KBTBD3: variants seen among roughly 807,000 people sequenced by gnomAD.
KBTBD3 encodes the protein kelch repeat and BTB domain containing 3, also known as kelch repeat and BTB domain-containing protein 3.
KBTBD3 carries 38 observed loss-of-function variants against 49.6 expected under a neutral mutation model. The observed-to-expected ratio is 0.77, with a 90% CI of 0.59 to 1.00. The LOEUF is 1.00. KBTBD3 is among the 50% of genes least tolerant of loss of function. KBTBD3 has a pLI of 0.00. For missense variants in KBTBD3, 661 were observed against 712.0 expected (o/e 0.93, Z 0.81); for synonymous variants, 214 against 250.4 (o/e 0.85, Z 1.37).
intron 2 of KBTBD3, among the ~76,000 whole-genome samples, chr11:106,074,549 C>A (rs980321742): frequency 1.3e-5 from 2 of 152,206 alleles, no homozygotes; most frequent in African/African-American, 4.8e-5. Context: ...AGGTTTCCTA[C>A]CTTGCTGGCC....
Position 106,053,062 on chromosome 11 carries a change from T to C in KBTBD3, c.1627A>G (p.Asn543Asp). Residue 543 changes from asparagine to aspartate, a missense_variant, in exon 4 of 4, where the codon AAT (asparagine) becomes GAT (aspartate). Physicochemically the swap from Asn to Asp is conservative, Grantham distance 23. Transcript: ENST00000531837. ...GEGSFECAGF[N>D]AGAIGIEDKI... is the part of the protein sequence containing the mutation. Reference sequence around the variant, plus strand: ...TCTTCAATTCCAATTGCACCTGCATTAAAGCCTGCACACTCAAAAGATCCT... The same window carrying C: ...TCTTCAATTCCAATTGCACCTGCATCAAAGCCTGCACACTCAAAAGATCCT... 1 of 1,613,700 alleles carries C rather than the reference T, an allele frequency of 6.2e-7. No homozygotes were observed. Among genetic ancestry groups the C allele is most frequent in the Non-Finnish European group, 8.5e-7 (1 of 1,179,766 alleles).
chr11:106,055,571 C>T lies in KBTBD3; in HGVS notation c.234-1116G>A, dbSNP rs147732516. Among the ~76,000 whole-genome samples, 3 of 152,202 alleles carry T rather than the reference C, an allele frequency of 2.0e-5. No individual in the cohort carries two copies. In the East Asian group the frequency reaches 5.8e-4, roughly 29 times the overall value. ...ATAATAATTATATGGATTATTAAGACACCTACAGCAGTTTAGGATAATATT... is the reference window on the plus strand; with the variant it reads ...ATAATAATTATATGGATTATTAAGATACCTACAGCAGTTTAGGATAATATT... On this transcript the variant is annotated intron_variant, in intron 3 of 3. Coordinates refer to ENST00000531837, the MANE Select transcript of KBTBD3 (RefSeq NM_198439.3).
chr11:106,066,727 C>A (rs1860815602), intron 2 of KBTBD3, among the ~76,000 whole-genome samples: 2 of 67,034 alleles, frequency 3.0e-5, no homozygotes, highest in Non-Finnish European at 2.7e-5. Flanking sequence ...AAAATATAAT[C>A]CCTATTAAAA....
At chr11:106,059,275 C>T (rs976710801) in intron 2 of KBTBD3, among the ~76,000 whole-genome samples, 166 bp from the exon 3 acceptor site, 1 of 151,920 alleles carries the variant, frequency 6.6e-6, no homozygotes, top group African/African-American at 2.4e-5. Flanking sequence ...ATATTAAATT[C>T]CTTTTGAATT....
At position 106,053,977 on chromosome 11, in the gene KBTBD3, T is replaced by C. The variant is rs749945852; in HGVS notation, c.712A>G (p.Ile238Val). The change falls in exon 4 of 4, where the codon ATT becomes GTT. Residue 238 changes from isoleucine (I) to valine (V), a missense_variant. By Grantham distance (29) the Ile-to-Val change is conservative. Coordinates refer to ENST00000531837, the MANE Select transcript of KBTBD3 (RefSeq NM_198439.3). ...AACTGATGTAATCTCACTTTTTCAA[T>C]CAAATGAGGCAGATACTTTTGCCTT... ...ESRQKYLPHL[I>V]EKVRLHQLSE... is the part of the protein sequence containing the mutation. 3.1e-5 allele frequency: 50 copies of C among 1,613,914 alleles called. No homozygotes were observed. The South Asian group carries it at 5.1e-4, about 16-fold the overall frequency.
At chr11:106,059,895 C>T (rs1481997177) in intron 2 of KBTBD3, among the ~76,000 whole-genome samples, 4 of 152,164 alleles carry the variant, frequency 2.6e-5, no homozygotes, top group African/African-American at 9.6e-5. Context: ...AATAGAAAAC[C>T]TTGATTCGAC....
chr11:106,074,145 T>G (rs867454991), intron 2 of KBTBD3, among the ~76,000 whole-genome samples: 35 of 144,920 alleles, frequency 2.4e-4, no homozygotes, highest in Admixed American at 1.0e-3. Flanking sequence ...TTCCTTCTCA[T>G]ACATTAAGAG....
chr11:106,053,751 CA>C lies in KBTBD3; in HGVS notation c.937del (p.Cys313AlafsTer17), dbSNP rs774731542. ...EENGENQYTF[C>X]YNIKSDSWKI... ...CCATGAATCAGATTTAATGTTATAGCAAAATGTATATTGATTTTCTCCATTT... is the reference window on the plus strand; with the variant it reads ...CCATGAATCAGATTTAATGTTATAGCAAATGTATATTGATTTTCTCCATTT... On this transcript the variant is annotated frameshift_variant, in exon 4 of 4. Transcript: ENST00000531837. LOFTEE classifies it high-confidence loss of function. 1.2e-6 allele frequency: 2 copies of C among 1,613,662 alleles called. No homozygotes were observed. Among genetic ancestry groups the C allele is most frequent in the Non-Finnish European group, 1.7e-6 (2 of 1,179,850 alleles).
At chr11:106,068,084 G>C (rs1394223612) in intron 2 of KBTBD3, among the ~76,000 whole-genome samples, 7 of 147,372 alleles carry the variant, frequency 4.7e-5, no homozygotes, top group Non-Finnish European at 1.0e-4. Context: ...CCAAATGATA[G>C]AGCTGTAAAA....
intron 3 of KBTBD3, chr11:106,057,936 T>A: frequency 2.5e-6 from 1 of 396,970 alleles, no homozygotes; most frequent in Non-Finnish European, 4.4e-6. Flanking sequence ...TCTAAAATAA[T>A]ACAACACAGG....
rs1345504880 is a variant in KBTBD3 at position 106,058,970 on chromosome 11, TGTAGTACACTTAA to T, written c.115_127del (p.Leu39ArgfsTer14). On this transcript the variant is annotated frameshift_variant, in exon 3 of 4. Coordinates refer to ENST00000531837, the MANE Select transcript of KBTBD3 (RefSeq NM_198439.3). LOFTEE classifies it high-confidence loss of function. ...AAAGACATTTTGTTCTCTAAAATTC[TGTAGTACACTTAA>T]GATTTTTTGTCCATGATCTTCTGAT... 3 of 1,558,582 alleles carry T rather than the reference TGTAGTACACTTAA, an allele frequency of 1.9e-6. No individual in the cohort carries two copies. Among genetic ancestry groups the T allele is most frequent in the Admixed American group, 4.5e-5 (2 of 44,254 alleles).
chr11:106,065,371 G>A (rs901032127), intron 2 of KBTBD3, among the ~76,000 whole-genome samples: 9 of 152,174 alleles, frequency 5.9e-5, no homozygotes, highest in East Asian at 1.9e-4. Flanking sequence ...TACATACCCA[G>A]TGCTGGTCTA....
At chr11:106,071,611 C>T (rs1860919664) in intron 2 of KBTBD3, among the ~76,000 whole-genome samples, 1 of 152,106 alleles carries the variant, frequency 6.6e-6, no homozygotes, top group Admixed American at 6.5e-5. Flanking sequence ...ATATTCTATA[C>T]AGAATGACAA....
rs1360890703 is a variant in KBTBD3 at position 106,053,791 on chromosome 11, GA to G, written c.897del (p.His300ThrfsTer30). 1 of 1,613,864 alleles carries G rather than the reference GA, an allele frequency of 6.2e-7. No homozygotes were observed. The highest frequency in any genetic ancestry group is 1.7e-5 in the Admixed American group (1 of 59,984). On this transcript the variant is annotated frameshift_variant, in exon 4 of 4. Transcript: ENST00000531837. LOFTEE classifies it high-confidence loss of function. The part of the protein sequence containing the change: ...RPSTTEKYIF[I>X]HKTEENGENQ... The stretch of plus-strand genomic sequence containing the variant: ...TTTTCTCCATTTTCCTCAGTTTTGT[GA>G]ATGAATATGTATTTCTCAGTTGTGG...
chr11:106,056,923 A>C (rs74598801), intron 3 of KBTBD3, among the ~76,000 whole-genome samples: 2,196 of 152,336 alleles, frequency 0.014, 62 homozygotes, highest in African/African-American at 0.051. Context: ...CACTGGTAGA[A>C]ATAAGAATGG....
chr11:106,057,056 C>T (rs992958798), intron 3 of KBTBD3, among the ~76,000 whole-genome samples: 21 of 152,264 alleles, frequency 1.4e-4, no homozygotes, highest in African/African-American at 2.9e-4. Flanking sequence ...AGTTCAAGAC[C>T]GTTGTAGCCT....
At chr11:106,071,435 C>T (rs1860916552) in intron 2 of KBTBD3, among the ~76,000 whole-genome samples, 1 of 152,052 alleles carries the variant, frequency 6.6e-6, no homozygotes, top group Non-Finnish European at 1.5e-5. Context: ...CCTCATGGTT[C>T]ATGAATAAGT....
chr11:106,069,808 C>T (rs1860883200), intron 2 of KBTBD3, among the ~76,000 whole-genome samples: 1 of 151,712 alleles, frequency 6.6e-6, no homozygotes, highest in African/African-American at 2.4e-5. Context: ...ATATCTAATA[C>T]AACCAAAAAG....
intron 2 of KBTBD3, chr11:106,076,301 G>T (rs1861027940): frequency 6.6e-6 from 1 of 152,286 alleles, no homozygotes; most frequent in Admixed American, 6.5e-5. Context: ...TAGCTAAGAT[G>T]ATATATTAAG....
Sources: gnomAD v4.1 joint callset for allele counts (sites outside exome capture counted in the v4.1 genomes callset) on GRCh38, gnomAD v4.1.1 for gene constraint, MANE v1.5 for transcripts, NCBI Gene and HGNC (gene_info 2026-07-23, HGNC 2026-07-21) for gene names.